RPS6KC1: variants seen among roughly 807,000 people sequenced by gnomAD.
RPS6KC1 encodes ribosomal protein S6 kinase C1, also known as inactive ribosomal protein S6 kinase delta-1.
In RPS6KC1, 54 loss-of-function variants were observed where a neutral mutation model predicts 103.8. The observed-to-expected ratio is 0.52, with a 90% CI of 0.42 to 0.65. The LOEUF (loss-of-function observed/expected upper bound fraction) is 0.65, where lower values mean the gene tolerates loss of function less well. Ranked by LOEUF, RPS6KC1 falls within the 30% of genes least tolerant of loss-of-function variation. The pLI is 0.00. For missense variants in RPS6KC1, 1,151 were observed against 1,253.8 expected (o/e 0.92, Z 1.24); for synonymous variants, 439 against 438.7 (o/e 1.00, Z -0.01).
chr1:213,061,994 C>T (rs2077883481), intron 1 of RPS6KC1, among the ~76,000 whole-genome samples: 1 of 152,144 alleles, frequency 6.6e-6, no homozygotes. Context: ...ATAAAAGTAG[C>T]TTCTTAAATT....
the RPS6KC1 span, among the ~76,000 whole-genome samples, chr1:213,746,343 A>G: frequency 1.3e-5 from 2 of 152,106 alleles, no homozygotes; most frequent in Non-Finnish European, 2.9e-5. Flanking sequence ...CAGAGTCAGT[A>G]CCTCCAGGCA....
At chr1:213,859,609 T>G in the RPS6KC1 span, among the ~76,000 whole-genome samples, 1 of 152,240 alleles carries the variant, frequency 6.6e-6, no homozygotes, top group Admixed American at 6.5e-5. Flanking sequence ...AAACAAGCAG[T>G]GCACTGAATT....
At chr1:213,059,462 G>A (rs80128515) in intron 1 of RPS6KC1, among the ~76,000 whole-genome samples, 2 of 152,064 alleles carry the variant, frequency 1.3e-5, no homozygotes, top group Non-Finnish European at 2.9e-5. Context: ...TTATCCTCTA[G>A]TATAATTTTC....
the RPS6KC1 span, among the ~76,000 whole-genome samples, chr1:213,449,691 C>T: frequency 6.6e-6 from 1 of 152,194 alleles, no homozygotes; most frequent in Non-Finnish European, 1.5e-5. Flanking sequence ...CTTATTGCTC[C>T]ACTTTCTCTG....
At chr1:213,056,855 CTTT>C (rs75002124) in intron 1 of RPS6KC1, among the ~76,000 whole-genome samples, 7 of 129,138 alleles carry the variant, frequency 5.4e-5, no homozygotes, top group Middle Eastern at 3.6e-3. Flanking sequence ...TTCCGGGAAG[CTTT>C]TTTTTTTTTT....
At chr1:213,466,639 C>T in the RPS6KC1 span, among the ~76,000 whole-genome samples, 127 of 152,306 alleles carry the variant, frequency 8.3e-4, no homozygotes, top group Non-Finnish European at 1.5e-3. Flanking sequence ...AAATACACAG[C>T]TTTTCAGGAT....
intron 8 of RPS6KC1, 103 bp from the exon 9 acceptor site, chr1:213,230,394 G>A: frequency 1.4e-6 from 1 of 701,012 alleles, no homozygotes; most frequent in Non-Finnish European, 2.3e-6. Context: ...TTTGGGGAGG[G>A]GATTAAATTT....
chr1:213,285,443 T>C, the RPS6KC1 span, among the ~76,000 whole-genome samples: 1 of 152,156 alleles, frequency 6.6e-6, no homozygotes, highest in African/African-American at 2.4e-5. Context: ...AGAGAATGTA[T>C]TGTAGACAAC....
At chr1:213,125,625 CTT>C (rs2084896929) in intron 5 of RPS6KC1, 1 of 83,364 alleles carries the variant, frequency 1.2e-5, no homozygotes, top group African/African-American at 4.3e-5. Flanking sequence ...TTTTTATCTG[CTT>C]GTGTGTGTGT....
the RPS6KC1 span, among the ~76,000 whole-genome samples, chr1:213,387,740 A>T: frequency 6.6e-6 from 1 of 152,248 alleles, no homozygotes; most frequent in African/African-American, 2.4e-5. Flanking sequence ...ACAATGACAT[A>T]GCATTCTAGA....
At chr1:213,143,008 A>G (rs1394127638) in intron 6 of RPS6KC1, among the ~76,000 whole-genome samples, 1 of 152,032 alleles carries the variant, frequency 6.6e-6, no homozygotes, top group Non-Finnish European at 1.5e-5. Flanking sequence ...TAGATTAGGT[A>G]TATTTAGCAA....
chr1:213,778,598 G>A, the RPS6KC1 span, among the ~76,000 whole-genome samples: 3 of 151,886 alleles, frequency 2.0e-5, no homozygotes, highest in South Asian at 4.2e-4. Context: ...TTGTTTAGGT[G>A]AGAGGTAAAC....
the RPS6KC1 span, among the ~76,000 whole-genome samples, chr1:213,738,769 T>G: frequency 6.6e-6 from 1 of 151,514 alleles, no homozygotes; most frequent in Non-Finnish European, 1.5e-5. Context: ...CTGAGGTGGG[T>G]GGATCACTTG....
intron 1 of RPS6KC1, among the ~76,000 whole-genome samples, chr1:213,066,176 A>G (rs557574532): frequency 2.0e-5 from 3 of 152,354 alleles, no homozygotes; most frequent in Admixed American, 6.5e-5. Context: ...TGTTAATAAT[A>G]AAAAGGAGGC....
intron 8 of RPS6KC1, among the ~76,000 whole-genome samples, chr1:213,224,913 A>C (rs1480213240): frequency 6.6e-6 from 1 of 152,184 alleles, no homozygotes; most frequent in Non-Finnish European, 1.5e-5. Flanking sequence ...GAAGCGTGTA[A>C]ATTTGGAAAG....
At chr1:213,457,959 A>G in the RPS6KC1 span, among the ~76,000 whole-genome samples, 2 of 152,242 alleles carry the variant, frequency 1.3e-5, no homozygotes, top group East Asian at 1.9e-4. Flanking sequence ...TTAGATTTTT[A>G]TAGCAGTAAG....
chr1:213,271,052 A>G (rs570850622), intron 14 of RPS6KC1, among the ~76,000 whole-genome samples: 2 of 152,248 alleles, frequency 1.3e-5, no homozygotes, highest in African/African-American at 4.8e-5. Flanking sequence ...TAAGCTCATT[A>G]TGTGACCCAG....
Position 213,065,308 on chromosome 1 carries a change from T to A in RPS6KC1, c.106-5698T>A, listed in dbSNP as rs746291464. On this transcript the variant is annotated intron_variant, in intron 1 of 14. Coordinates refer to ENST00000366960, the MANE Select transcript of RPS6KC1 (RefSeq NM_012424.6). ...ACTTTTAATGAAAACAGTCACTGTT[T>A]TAAATTCCAACTTTTGTGGAATTTA... 3.4e-4 allele frequency among the ~76,000 whole-genome samples: 52 copies of A among 152,310 alleles called. 2 individuals carry two copies. In the Middle Eastern group the frequency reaches 0.014, roughly 40 times the overall value.
the RPS6KC1 span, among the ~76,000 whole-genome samples, chr1:213,554,090 G>A: frequency 6.6e-6 from 1 of 152,116 alleles, no homozygotes; most frequent in Non-Finnish European, 1.5e-5. Flanking sequence ...TCATCATAAA[G>A]TCTTTATCAG....
Sources: allele counts gnomAD v4.1 joint callset (sites outside exome capture counted in the v4.1 genomes callset), GRCh38; gene constraint gnomAD v4.1.1; transcripts MANE v1.5; gene names NCBI Gene and HGNC (gene_info 2026-07-23, HGNC 2026-07-21).